The following DMD variants were observed in gnomAD, a reference collection of about 807,000 sequenced individuals.
DMD encodes dystrophin.
DMD carries 63 observed loss-of-function variants against 330.1 expected under a neutral mutation model. That is an observed-to-expected ratio of 0.19 (90% CI 0.16 to 0.24). DMD has a LOEUF of 0.24. DMD is among the 10% of genes least tolerant of loss of function. The probability of loss-of-function intolerance (pLI) is 1.00; values close to 1 mark genes in which losing one functional copy is unlikely to be tolerated. For synonymous variants in DMD, 1,223 were observed against 959.8 expected (o/e 1.27, Z -5.07); for missense variants, 3,344 against 2,684.1 (o/e 1.25, Z -5.43).
chrX:32,750,591 G>A (rs1391482189), intron 7 of DMD, among the ~76,000 whole-genome samples: 1 of 110,397 alleles, frequency 9.1e-6, no homozygotes, highest in Non-Finnish European at 1.9e-5. Flanking sequence ...CAAACTCCTA[G>A]GCAGATAGGG....
intron 1 of DMD, among the ~76,000 whole-genome samples, chrX:33,262,732 C>T (rs2052978757): frequency 9.0e-6 from 1 of 110,673 alleles, no homozygotes; most frequent in Admixed American, 9.7e-5. Context: ...CAGTTATTTA[C>T]TCTAAAATAA....
chrX:33,179,423 A>G lies in DMD; in HGVS notation c.31+31859T>C, dbSNP rs780306740. Among the ~76,000 whole-genome samples the G allele has an allele frequency of 1.3e-4, 14 of 111,412 alleles. No homozygotes were observed. The East Asian group carries it at 3.4e-3, about 27-fold the overall frequency. On this transcript the variant is annotated intron_variant, in intron 1 of 78. Transcript: ENST00000357033. ...TTAGAAATTGAATGGGCCGGGTGCG[A>G]TGGCTCACCACTGTAATCTCAGCAC...
chrX:32,137,927 A>C (rs1338864870), intron 44 of DMD, among the ~76,000 whole-genome samples: 1 of 109,703 alleles, frequency 9.1e-6, no homozygotes, highest in East Asian at 2.9e-4. Context: ...GACTAATTAT[A>C]ACAGCTCTCT....
At chrX:33,109,384 A>AT (rs1401321214) in intron 1 of DMD, among the ~76,000 whole-genome samples, 3 of 111,770 alleles carry the variant, frequency 2.7e-5, no homozygotes, top group African/African-American at 9.7e-5. Flanking sequence ...CTATTAGTGT[A>AT]TTTTTTCAGT....
chrX:31,660,936 G>C (rs1029964938), intron 53 of DMD, among the ~76,000 whole-genome samples: 34 of 111,330 alleles, frequency 3.1e-4, no homozygotes, highest in African/African-American at 8.5e-4. Context: ...ATAAAATGCA[G>C]AAGGTGCCAA....
intron 2 of DMD, among the ~76,000 whole-genome samples, chrX:32,942,120 C>T (rs1394038869): frequency 2.7e-5 from 3 of 111,730 alleles, no homozygotes; most frequent in Non-Finnish European, 3.8e-5. Flanking sequence ...GGAGTGTGTG[C>T]GTGTCTACGT....
intron 52 of DMD, among the ~76,000 whole-genome samples, chrX:31,721,718 C>CTCTCTCTCTA (rs1227959078): frequency 1.1e-4 from 6 of 56,483 alleles, no homozygotes; most frequent in Admixed American, 2.9e-4. Context: ...CTCTCTCTCT[C>CTCTCTCTCTA]TATATATATA....
intron 44 of DMD, among the ~76,000 whole-genome samples, chrX:31,976,397 G>A (rs868856319): frequency 1.8e-5 from 2 of 110,974 alleles, no homozygotes; most frequent in Non-Finnish European, 3.8e-5. Context: ...ATGTGTTTGA[G>A]TCCCTTATTT....
intron 52 of DMD, among the ~76,000 whole-genome samples, chrX:31,706,795 G>C (rs2084229679): frequency 8.9e-6 from 1 of 112,436 alleles, no homozygotes; most frequent in African/African-American, 3.2e-5. Flanking sequence ...GTTGTGCTGT[G>C]AAGCAGTAGA....
At chrX:33,275,902 A>G (rs1256311793) in intron 1 of DMD, among the ~76,000 whole-genome samples, 1 of 111,910 alleles carries the variant, frequency 8.9e-6, no homozygotes, top group Non-Finnish European at 1.9e-5. Flanking sequence ...GTACATATAC[A>G]TATCATTTGC....
At chrX:32,391,594 T>C (rs781376476) in intron 30 of DMD, among the ~76,000 whole-genome samples, 2 of 112,351 alleles carry the variant, frequency 1.8e-5, no homozygotes, top group African/African-American at 3.2e-5. Flanking sequence ...TATAAATGTA[T>C]CTTATTTTAT....
At chrX:32,985,035 T>A (rs1382048098) in intron 2 of DMD, among the ~76,000 whole-genome samples, 1 of 112,398 alleles carries the variant, frequency 8.9e-6, no homozygotes, top group Non-Finnish European at 1.9e-5. Flanking sequence ...GGGCAACTAA[T>A]TCTGAAAACG....
chrX:32,109,998 A>G (rs1219962960), intron 44 of DMD, among the ~76,000 whole-genome samples: 1 of 111,827 alleles, frequency 8.9e-6, no homozygotes, highest in African/African-American at 3.2e-5. Flanking sequence ...CAAATTAACC[A>G]GTCATTATTT....
intron 53 of DMD, among the ~76,000 whole-genome samples, chrX:31,665,826 T>C (rs1440873706): frequency 9.0e-6 from 1 of 111,632 alleles, no homozygotes; most frequent in Non-Finnish European, 1.9e-5. Flanking sequence ...TGGCATACAA[T>C]ATATTTTTCC....
intron 33 of DMD, among the ~76,000 whole-genome samples, chrX:32,385,999 A>T (rs2097955306): frequency 9.1e-6 from 1 of 110,154 alleles, no homozygotes. Flanking sequence ...TTTTAGAGCT[A>T]TCTGATGGAC....
At chrX:31,662,872 C>G (rs1377736530) in intron 53 of DMD, among the ~76,000 whole-genome samples, 1 of 111,772 alleles carries the variant, frequency 8.9e-6, no homozygotes, top group African/African-American at 3.2e-5. Flanking sequence ...AAAAGTTCTA[C>G]ATGTTGGATT....
chrX:31,413,887 A>G (rs1398404353), intron 60 of DMD, among the ~76,000 whole-genome samples: 1 of 111,509 alleles, frequency 9.0e-6, no homozygotes, highest in Non-Finnish European at 1.9e-5. Context: ...AAAGCCTACA[A>G]TATTAAGGTG....
chrX:32,127,974 A>G (rs1360120580), intron 44 of DMD, among the ~76,000 whole-genome samples: 1 of 112,380 alleles, frequency 8.9e-6, no homozygotes, highest in African/African-American at 3.2e-5. Flanking sequence ...TCCATTATCC[A>G]TCCCTTCAAT....
intron 62 of DMD, among the ~76,000 whole-genome samples, chrX:31,268,755 G>A (rs1269045605): frequency 8.9e-6 from 1 of 112,335 alleles, no homozygotes; most frequent in Admixed American, 9.4e-5. Context: ...AGAAGCCTCA[G>A]AGCATGGACA....
Sources: allele counts gnomAD v4.1 joint callset (sites outside exome capture counted in the v4.1 genomes callset), GRCh38; gene constraint gnomAD v4.1.1; transcripts MANE v1.5; gene names NCBI Gene and HGNC (gene_info 2026-07-23, HGNC 2026-07-21).